The following RSAD2 variants were observed in gnomAD, a reference collection of about 807,000 sequenced individuals.
RSAD2 encodes the protein S-adenosylmethionine-dependent nucleotide dehydratase RSAD2.
RSAD2 carries 38 observed loss-of-function variants against 37.7 expected under a neutral mutation model. The ratio of observed to expected loss-of-function variants is 1.01; its 90% confidence interval spans 0.78 to 1.32. The LOEUF is 1.32. Among genes scored for constraint, RSAD2 ranks in the 40% most tolerant of loss-of-function variants. The pLI is 0.00. For synonymous variants in RSAD2, 163 were observed against 157.4 expected, an observed-to-expected ratio of 1.04 and a Z score of -0.27; for missense variants, 428 against 437.5, an observed-to-expected ratio of 0.98 and a Z score of 0.19.
intron 1 of RSAD2, among the ~76,000 whole-genome samples, chr2:6,881,527 C>A (rs1378584933): frequency 6.6e-6 from 1 of 152,216 alleles, no homozygotes; most frequent in Non-Finnish European, 1.5e-5. Context: ...CCACTAAAAA[C>A]CAGATAATAA....
intron 1 of RSAD2, among the ~76,000 whole-genome samples, chr2:6,869,586 A>G (rs1215816375): frequency 6.6e-6 from 1 of 152,242 alleles, no homozygotes; most frequent in Non-Finnish European, 1.5e-5. Context: ...TGTACAATAT[A>G]CAATGAATTT....
At chr2:6,875,996 G>A (rs765154781), upstream of RSAD2, among the ~76,000 whole-genome samples, 2 of 152,142 alleles carry the variant, frequency 1.3e-5, no homozygotes, top group Non-Finnish European at 2.9e-5. Context: ...GTGCAACAGA[G>A]GTCCATAGAC....
At chr2:6,871,622 AACAAGGGGGTTTT>A (rs1317403124) in intron 1 of RSAD2, among the ~76,000 whole-genome samples, 4 of 152,234 alleles carry the variant, frequency 2.6e-5, no homozygotes, top group Non-Finnish European at 5.9e-5. Flanking sequence ...CTGTCTTCTA[AACAAGGGGGTTTT>A]ACCCGACTCA....
intron 1 of RSAD2, among the ~76,000 whole-genome samples, chr2:6,879,850 T>A (rs1663365562): frequency 6.6e-6 from 1 of 152,144 alleles, no homozygotes; most frequent in Non-Finnish European, 1.5e-5. Context: ...CGAGGGAAAT[T>A]ACGACTTTCA....
At chr2:6,867,345 G>C (rs969373258) in intron 1 of RSAD2, among the ~76,000 whole-genome samples, 1 of 152,180 alleles carries the variant, frequency 6.6e-6, no homozygotes, top group African/African-American at 2.4e-5. Context: ...CCTTCTCTCT[G>C]TGTTCTCACG....
intron 1 of RSAD2, among the ~76,000 whole-genome samples, chr2:6,872,763 C>T (rs1312651442): frequency 3.9e-5 from 6 of 152,106 alleles, no homozygotes; most frequent in Admixed American, 2.6e-4. Flanking sequence ...GAAAAGAAAT[C>T]GTATATGAGT....
chr2:6,872,411 G>A (rs574368887), intron 1 of RSAD2, among the ~76,000 whole-genome samples: 1 of 152,070 alleles, frequency 6.6e-6, no homozygotes, highest in Non-Finnish European at 1.5e-5. Context: ...TTGGATTGTC[G>A]GTATGGCAGA....
chr2:6,880,665 C>A (rs1663380341), intron 1 of RSAD2, among the ~76,000 whole-genome samples: 1 of 152,010 alleles, frequency 6.6e-6, no homozygotes, highest in South Asian at 2.1e-4. Flanking sequence ...TTTCTGGCTG[C>A]TTGTGGTTAG....
chr2:6,877,778 C>T lies in RSAD2; in HGVS notation c.-23C>T. ...GAGAGTCCCTGGCATACAGAGACTG[C>T]TCTGCTCCAGGCATCTGCCACAATG... On this transcript the variant is annotated 5_prime_UTR_variant, in exon 1 of 6. Coordinates refer to ENST00000382040, the MANE Select transcript of RSAD2 (RefSeq NM_080657.5). The T allele has an allele frequency of 1.9e-6, 3 of 1,597,436 alleles. No individual in the cohort carries two copies. The highest frequency in any genetic ancestry group is 2.6e-6 in the Non-Finnish European group (3 of 1,168,414).
chr2:6,893,595 A>G, intron 4 of RSAD2, 76 bp from the exon 5 acceptor site: 1 of 1,156,306 alleles, frequency 8.6e-7, no homozygotes. Flanking sequence ...CAATGCAAAC[A>G]CTACAGGTGG....
chr2:6,880,646 T>C (rs1663380193), intron 1 of RSAD2, among the ~76,000 whole-genome samples: 1 of 152,158 alleles, frequency 6.6e-6, no homozygotes, highest in Non-Finnish European at 1.5e-5. Context: ...TGTGTTTTAC[T>C]GTCTGCTCTT....
At position 6,887,153 on chromosome 2, in the gene RSAD2, G is replaced by A; in HGVS notation, c.727G>A (p.Val243Ile). 1 of 1,613,326 alleles carries A rather than the reference G, an allele frequency of 6.2e-7. No homozygotes were observed. Among genetic ancestry groups the A allele is most frequent in the East Asian group, 2.2e-5 (1 of 44,866 alleles). Residue 243 changes from valine to isoleucine, a missense_variant, in exon 3 of 6, where the codon GTC (valine) becomes ATC (isoleucine). Transcript: ENST00000382040. ...GGAACAGATCAAAGCACTAAACCCT[G>A]TCCGCTGGAAAGTAAGTACACAAGG... ...MTEQIKALNP[V>I]RWKVFQCLLI...
rs887205589 is a variant in RSAD2 at position 6,897,259 on chromosome 2, G to T, written c.*1317G>T. ...GCCTAAAAAAAAATTTCTTATCATTGTTTCAAAAAAGCAAAATCATGGAAA... is the reference window on the plus strand; with the variant it reads ...GCCTAAAAAAAAATTTCTTATCATTTTTTCAAAAAAGCAAAATCATGGAAA... On this transcript the variant is annotated 3_prime_UTR_variant, in exon 6 of 6. Coordinates refer to ENST00000382040, the MANE Select transcript of RSAD2 (RefSeq NM_080657.5). The T allele has an allele frequency of 6.6e-6, 1 of 152,070 alleles. No individual in the cohort carries two copies. Among genetic ancestry groups the T allele is most frequent in the African/African-American group, 2.4e-5 (1 of 41,408 alleles). The allele number at this position is 152,070 out of a possible 1,614,324, so 9.4% of individuals were successfully genotyped here.
At chr2:6,890,354 G>C (rs1467268804) in intron 4 of RSAD2, 29 bp downstream of exon 4, 1 of 1,610,382 alleles carries the variant, frequency 6.2e-7, no homozygotes, top group East Asian at 2.2e-5. Flanking sequence ...TGTTTTCTTT[G>C]TCATCATACA....
chr2:6,871,694 C>T (rs2103235622), intron 1 of RSAD2, among the ~76,000 whole-genome samples: 1 of 152,172 alleles, frequency 6.6e-6, no homozygotes, highest in African/African-American at 2.4e-5. Context: ...TTGTGCCTAC[C>T]TGTATTTTTT....
intron 3 of RSAD2, among the ~76,000 whole-genome samples, chr2:6,889,520 C>T (rs1405855431): frequency 6.6e-6 from 1 of 152,078 alleles, no homozygotes; most frequent in Non-Finnish European, 1.5e-5. Flanking sequence ...CATGGAAACC[C>T]TTTAGATCTG....
chr2:6,878,516 A>C (rs1663334233), intron 1 of RSAD2, among the ~76,000 whole-genome samples: 2 of 152,366 alleles, frequency 1.3e-5, no homozygotes, highest in South Asian at 4.1e-4. Flanking sequence ...ACACTAACGA[A>C]TTTGGGTTTT....
chr2:6,890,041 T>C (rs1156357586), intron 3 of RSAD2, 135 bp from the exon 4 acceptor site: 3 of 741,834 alleles, frequency 4.0e-6, no homozygotes, highest in Non-Finnish European at 6.4e-6. Context: ...CCCAAAGTAA[T>C]ATCTTTCTAG....
At chr2:6,884,437 G>A (rs1176457245) in intron 2 of RSAD2, among the ~76,000 whole-genome samples, 2 of 152,210 alleles carry the variant, frequency 1.3e-5, no homozygotes, top group Non-Finnish European at 2.9e-5. Flanking sequence ...CACACAGGGA[G>A]TCTGAGGTTC....
Sources: gnomAD v4.1 joint callset for allele counts (sites outside exome capture counted in the v4.1 genomes callset) on GRCh38, gnomAD v4.1.1 for gene constraint, MANE v1.5 for transcripts, NCBI Gene and HGNC (gene_info 2026-07-23, HGNC 2026-07-21) for gene names.